The following PDE11A variants were observed in gnomAD, a reference collection of about 807,000 sequenced individuals.
PDE11A encodes the protein dual 3',5'-cyclic-AMP and -GMP phosphodiesterase 11A.
Under a neutral mutation model 100.5 loss-of-function variants are expected in PDE11A, and 100 were observed. The ratio of observed to expected loss-of-function variants is 1.00; its 90% CI spans 0.85 to 1.18. The LOEUF (loss-of-function observed/expected upper bound fraction) is 1.18, where lower values mean the gene tolerates loss of function less well. PDE11A is among the 50% of genes most tolerant of loss of function. The pLI is 0.00. For missense variants in PDE11A, 1,141 were observed against 1,152.6 expected (o/e 0.99, Z 0.15); for synonymous variants, 381 against 420.8 (o/e 0.91, Z 1.16).
chr2:177,654,879 G>T (rs2080358840), intron 19 of PDE11A, among the ~76,000 whole-genome samples: 2 of 151,968 alleles, frequency 1.3e-5, no homozygotes, highest in Admixed American at 6.6e-5. Context: ...CTTCCGAAGA[G>T]AGACGAAGAA....
intron 2 of PDE11A, chr2:177,998,806 T>C: frequency 1.5e-6 from 1 of 685,828 alleles, no homozygotes; most frequent in Non-Finnish European, 2.7e-6. Flanking sequence ...TCCCACTATC[T>C]TCATCCTTGC....
chr2:177,661,396 C>T (rs147101834), intron 19 of PDE11A, among the ~76,000 whole-genome samples: 356 of 152,278 alleles, frequency 2.3e-3, no homozygotes, highest in African/African-American at 8.1e-3. Flanking sequence ...CATCAGTGAC[C>T]TTCCTGGCTC....
intron 1 of PDE11A, among the ~76,000 whole-genome samples, chr2:178,049,212 T>C (rs1319669562): frequency 6.6e-6 from 1 of 152,042 alleles, no homozygotes; most frequent in African/African-American, 2.4e-5. Context: ...ATGTTAAGAG[T>C]TGTGGTAGTA....
intron 2 of PDE11A, among the ~76,000 whole-genome samples, chr2:178,083,694 A>G (rs2087314713): frequency 6.6e-6 from 1 of 152,212 alleles, no homozygotes; most frequent in African/African-American, 2.4e-5. Flanking sequence ...TTCCCCAAAT[A>G]CATACAAAAT....
chr2:177,688,955 G>A (rs2080999639), intron 15 of PDE11A, among the ~76,000 whole-genome samples: 1 of 152,132 alleles, frequency 6.6e-6, no homozygotes, highest in South Asian at 2.1e-4. Context: ...ATCTATACAT[G>A]TACTTAGGAA....
At chr2:177,865,098 G>A (rs1485156556) in intron 5 of PDE11A, among the ~76,000 whole-genome samples, 2 of 152,120 alleles carry the variant, frequency 1.3e-5, no homozygotes, top group African/African-American at 2.4e-5. Context: ...GGCCAACATG[G>A]CAAAACCCAA....
intron 12 of PDE11A, among the ~76,000 whole-genome samples, chr2:177,712,128 C>T (rs539910048): frequency 1.3e-5 from 2 of 152,266 alleles, no homozygotes; most frequent in East Asian, 1.9e-4. Context: ...TATTTTGTTC[C>T]CTTTTTAGAG....
intron 10 of PDE11A, among the ~76,000 whole-genome samples, chr2:177,734,069 T>G (rs2105454967): frequency 6.6e-6 from 1 of 152,314 alleles, no homozygotes; most frequent in African/African-American, 2.4e-5. Context: ...GCAAACTAAC[T>G]TGGGTGCACC....
Position 177,820,165 on chromosome 2 carries a change from A to T in PDE11A, c.1576+55T>A, listed in dbSNP as rs1290454994. On this transcript the variant is annotated intron_variant, in intron 7 of 19. Coordinates refer to ENST00000286063, the MANE Select transcript of PDE11A (RefSeq NM_016953.4). ...ATAAAAAAGATATGGGAATATTTTAAAGCAAACTTCTGTTTCTTTATTCAA... is the reference window on the plus strand; with the variant it reads ...ATAAAAAAGATATGGGAATATTTTATAGCAAACTTCTGTTTCTTTATTCAA... The T allele has an allele frequency of 6.3e-6, 6 of 952,926 alleles. No homozygotes were observed. The African/African-American group carries it at 9.7e-5, about 15-fold the overall frequency. 59.0% of individuals were successfully genotyped at this position (952,926 alleles called of 1,614,324 possible).
Position 177,655,536 on chromosome 2 carries a change from C to T in PDE11A, c.2646+8330G>A, listed in dbSNP as rs1289545156. Among the ~76,000 whole-genome samples, 9 of 151,722 alleles carry T rather than the reference C, an allele frequency of 5.9e-5. No individual in the cohort carries two copies. The South Asian group carries it at 1.5e-3, about 25-fold the overall frequency. Reference sequence around the variant, plus strand: ...GCCCAGCACGTTCTTTTTTACTTTTCCTTTCTTTCTTTTTTTTAAAGAGAT... The same window carrying T: ...GCCCAGCACGTTCTTTTTTACTTTTTCTTTCTTTCTTTTTTTTAAAGAGAT... On this transcript the variant is annotated intron_variant, in intron 19 of 19. Transcript: ENST00000286063.
chr2:177,761,791 T>C (rs189243398), intron 10 of PDE11A, among the ~76,000 whole-genome samples: 4 of 152,262 alleles, frequency 2.6e-5, no homozygotes, highest in Admixed American at 6.5e-5. Flanking sequence ...ACTATTTGGT[T>C]AAGGATAGCT....
At chr2:177,741,459 G>A (rs2081870434) in intron 10 of PDE11A, among the ~76,000 whole-genome samples, 1 of 152,108 alleles carries the variant, frequency 6.6e-6, no homozygotes. Flanking sequence ...TTGGGAGTGG[G>A]GAAGAAACAA....
At chr2:177,655,437 A>T (rs1006618140) in intron 19 of PDE11A, among the ~76,000 whole-genome samples, 3 of 152,212 alleles carry the variant, frequency 2.0e-5, no homozygotes, top group East Asian at 1.9e-4. Flanking sequence ...ATTATCATGC[A>T]TAATGTTGGA....
intron 2 of PDE11A, among the ~76,000 whole-genome samples, chr2:178,088,687 C>A (rs994388693): frequency 1.3e-5 from 2 of 152,304 alleles, no homozygotes; most frequent in East Asian, 3.9e-4. Context: ...TATAATCATC[C>A]AATGGTCTAC....
intron 2 of PDE11A, among the ~76,000 whole-genome samples, chr2:177,908,110 C>T (rs542111818): frequency 6.6e-6 from 1 of 152,132 alleles, no homozygotes; most frequent in Admixed American, 6.5e-5. Context: ...CTAAGATCTA[C>T]CTTCTTAACT....
chr2:177,822,468 A>G (rs1330351024), intron 6 of PDE11A, among the ~76,000 whole-genome samples: 1 of 152,042 alleles, frequency 6.6e-6, no homozygotes, highest in Non-Finnish European at 1.5e-5. Flanking sequence ...TCCTTATGCC[A>G]ATACCACACT....
chr2:177,875,790 A>G (rs2084229127), intron 5 of PDE11A, 69 bp downstream of exon 5: 1 of 969,496 alleles, frequency 1.0e-6, no homozygotes, highest in South Asian at 1.3e-5. Flanking sequence ...ATCTTCTAAG[A>G]ATTATGCAAT....
At chr2:177,679,157 G>A (rs1328813201) in intron 16 of PDE11A, among the ~76,000 whole-genome samples, 3 of 152,050 alleles carry the variant, frequency 2.0e-5, no homozygotes, top group Non-Finnish European at 4.4e-5. Flanking sequence ...AAAGGTTGTA[G>A]CTTTTAATAC....
chr2:177,652,796 T>A (rs2080329885), intron 19 of PDE11A, among the ~76,000 whole-genome samples: 1 of 152,218 alleles, frequency 6.6e-6, no homozygotes, highest in African/African-American at 2.4e-5. Flanking sequence ...ATTTCTTAGC[T>A]TTTTGATGGC....
Sources: allele counts gnomAD v4.1 joint callset (sites outside exome capture counted in the v4.1 genomes callset), GRCh38; gene constraint gnomAD v4.1.1; transcripts MANE v1.5; gene names NCBI Gene and HGNC (gene_info 2026-07-23, HGNC 2026-07-21).